The following IGSF11 variants were observed in gnomAD, a reference collection of about 807,000 sequenced individuals.
The protein encoded by IGSF11 is CXADR like 1.
In IGSF11, 22 loss-of-function variants were observed where a neutral mutation model predicts 41.0. The observed-to-expected ratio is 0.54, with a 90% CI of 0.38 to 0.77. The LOEUF is 0.77. Ranked by LOEUF, IGSF11 falls within the 30% of genes least tolerant of loss-of-function variation. The pLI is 0.00. For synonymous variants in IGSF11, 219 were observed against 201.3 expected (o/e 1.09, Z -0.74); for missense variants, 444 against 530.8 (o/e 0.84, Z 1.61).
intron 1 of IGSF11, among the ~76,000 whole-genome samples, chr3:119,025,041 C>T (rs1939685264): frequency 6.6e-6 from 1 of 152,022 alleles, no homozygotes; most frequent in South Asian, 2.1e-4. Context: ...AGACTATATT[C>T]GAATGACATT....
chr3:118,927,566 A>C (rs1434562054), intron 3 of IGSF11, among the ~76,000 whole-genome samples: 1 of 152,210 alleles, frequency 6.6e-6, no homozygotes, highest in African/African-American at 2.4e-5. Context: ...CCAAAGGCCG[A>C]GGGAAAATGA....
intron 1 of IGSF11, among the ~76,000 whole-genome samples, chr3:118,938,811 G>A (rs1372492804): frequency 6.6e-6 from 1 of 152,178 alleles, no homozygotes; most frequent in African/African-American, 2.4e-5. Context: ...TGTGAAGAAA[G>A]AAGAGTCAAA....
At chr3:119,089,667 C>A (rs1272225239) in intron 1 of IGSF11, among the ~76,000 whole-genome samples, 3 of 152,052 alleles carry the variant, frequency 2.0e-5, no homozygotes, top group African/African-American at 7.2e-5. Context: ...AATTCTATAC[C>A]TGGAAAACAC....
chr3:118,916,278 G>A (rs1044519916), intron 4 of IGSF11, among the ~76,000 whole-genome samples: 5 of 151,892 alleles, frequency 3.3e-5, no homozygotes, highest in Non-Finnish European at 7.4e-5. Flanking sequence ...AATGTAAATG[G>A]ACTAAATGCT....
intron 1 of IGSF11, among the ~76,000 whole-genome samples, chr3:119,052,155 A>C (rs1431253465): frequency 6.6e-6 from 1 of 151,286 alleles, no homozygotes; most frequent in East Asian, 1.9e-4. Context: ...AAATTGAAAC[A>C]AAAAAATGTA....
chr3:119,137,563 A>G (rs1294659197), intron 1 of IGSF11, among the ~76,000 whole-genome samples: 6 of 152,186 alleles, frequency 3.9e-5, no homozygotes, highest in Admixed American at 3.3e-4. Flanking sequence ...ATATAAAAGA[A>G]TCAAATCAAA....
upstream of IGSF11, chr3:119,034,855 C>T (rs921203519): frequency 7.4e-6 from 9 of 1,216,116 alleles, no homozygotes; most frequent in African/African-American, 1.1e-4. Flanking sequence ...CTAGCCGACC[C>T]CTCGCGCAGT....
At chr3:118,913,146 G>C (rs907618116) in intron 4 of IGSF11, among the ~76,000 whole-genome samples, 1 of 150,498 alleles carries the variant, frequency 6.6e-6, no homozygotes, top group South Asian at 2.1e-4. Context: ...GAAAGGTAAA[G>C]AAGGTAAAGA....
chr3:118,917,808 A>G (rs1215825726), intron 4 of IGSF11, among the ~76,000 whole-genome samples: 4 of 151,352 alleles, frequency 2.6e-5, no homozygotes, highest in Non-Finnish European at 5.9e-5. Context: ...CAACCAAAAA[A>G]GAGAATTTTA....
At chr3:119,117,098 C>G (rs1191513552) in intron 1 of IGSF11, among the ~76,000 whole-genome samples, 1 of 151,998 alleles carries the variant, frequency 6.6e-6, no homozygotes, top group Non-Finnish European at 1.5e-5. Flanking sequence ...CTATTAAACT[C>G]TTTCTCTGCT....
rs1249275386 is a variant in IGSF11 at position 118,972,590 on chromosome 3, A to G, written c.53-42315T>C. Among the ~76,000 whole-genome samples, 3 of 152,210 alleles carry G rather than the reference A, an allele frequency of 2.0e-5. No homozygotes were observed. In the East Asian group the frequency reaches 5.8e-4, roughly 29 times the overall value. On this transcript the variant is annotated intron_variant, in intron 1 of 6. Transcript: ENST00000393775. The stretch of plus-strand genomic sequence containing the variant: ...CATCCTATTAATTTGCCATTTAGAA[A>G]CAATAAAATCCATGTGCCTGACACA...
intron 1 of IGSF11, among the ~76,000 whole-genome samples, chr3:118,979,036 A>C (rs147005669): frequency 0.025 from 3,770 of 152,266 alleles, 129 homozygotes; most frequent in African/African-American, 0.086. Flanking sequence ...CAATACAAAG[A>C]AATCAGAAAA....
intron 1 of IGSF11, among the ~76,000 whole-genome samples, chr3:119,004,771 C>T (rs1418435492): frequency 2.0e-5 from 3 of 150,228 alleles, no homozygotes; most frequent in Admixed American, 6.6e-5. Flanking sequence ...AGTTGAGCGG[C>T]TTTGAGTGAG....
intron 1 of IGSF11, among the ~76,000 whole-genome samples, chr3:119,083,736 T>C (rs1043568166): frequency 3.9e-5 from 6 of 152,244 alleles, no homozygotes; most frequent in Admixed American, 3.3e-4. Flanking sequence ...GCTAGTCATA[T>C]AAAAGTATAG....
intron 1 of IGSF11, among the ~76,000 whole-genome samples, chr3:118,946,708 C>T (rs913916766): frequency 1.3e-5 from 2 of 152,220 alleles, no homozygotes; most frequent in African/African-American, 4.8e-5. Context: ...CACTAACAAG[C>T]ATTTTTATGA....
At chr3:119,065,792 C>CAAAAA (rs1193374379) in intron 1 of IGSF11, among the ~76,000 whole-genome samples, 7 of 56,690 alleles carry the variant, frequency 1.2e-4, no homozygotes, top group Admixed American at 2.0e-4. Context: ...GACTCTGTCT[C>CAAAAA]AAAAAAAAAA....
At chr3:118,995,290 CGAAA>C (rs1320270476) in intron 1 of IGSF11, among the ~76,000 whole-genome samples, 1 of 152,036 alleles carries the variant, frequency 6.6e-6, no homozygotes, top group African/African-American at 2.4e-5. Flanking sequence ...TAACCCGAGA[CGAAA>C]GAAAGCAAAA....
intron 3 of IGSF11, among the ~76,000 whole-genome samples, chr3:118,927,790 G>A (rs1942459454): frequency 6.6e-6 from 1 of 152,108 alleles, no homozygotes; most frequent in Non-Finnish European, 1.5e-5. Context: ...TTAGAAAGCA[G>A]TATTTTATAT....
chr3:118,985,007 A>G (rs1935112854), intron 1 of IGSF11, among the ~76,000 whole-genome samples: 2 of 152,206 alleles, frequency 1.3e-5, no homozygotes, highest in African/African-American at 4.8e-5. Flanking sequence ...CCACAGCCTA[A>G]GGAATACATC....
Sources: gnomAD v4.1 joint callset for allele counts (sites outside exome capture counted in the v4.1 genomes callset) on GRCh38, gnomAD v4.1.1 for gene constraint, MANE v1.5 for transcripts, NCBI Gene and HGNC (gene_info 2026-07-23, HGNC 2026-07-21) for gene names.